The following SYTL2 variants were observed in gnomAD, a reference collection of about 807,000 sequenced individuals.
The protein encoded by SYTL2 is synaptotagmin-like protein 2.
SYTL2 carries 165 observed loss-of-function variants against 198.7 expected under a neutral mutation model. That is an observed-to-expected ratio of 0.83 (90% CI 0.73 to 0.94). The LOEUF (loss-of-function observed/expected upper bound fraction) is 0.94. Among genes scored for constraint, SYTL2 ranks in the 40% least tolerant of loss-of-function variants. The pLI, the probability that SYTL2 is intolerant of heterozygous loss-of-function variation, is 0.00. For missense variants in SYTL2, 2,835 were observed against 2,582.8 expected, an observed-to-expected ratio of 1.10 and a Z score of -2.12; for synonymous variants, 966 against 917.7, an observed-to-expected ratio of 1.05 and a Z score of -0.95.
At chr11:85,751,414 C>T (rs2091503396) in intron 2 of SYTL2, among the ~76,000 whole-genome samples, 2 of 152,146 alleles carry the variant, frequency 1.3e-5, no homozygotes, top group Non-Finnish European at 2.9e-5. Flanking sequence ...ATTACATCAA[C>T]AAAATGAGCA....
At chr11:85,822,392 C>A in the SYTL2 span, among the ~76,000 whole-genome samples, 1 of 152,250 alleles carries the variant, frequency 6.6e-6, no homozygotes, top group Admixed American at 6.5e-5. Context: ...TTGCTCTACA[C>A]TTTACTTATT....
At chr11:85,799,340 A>G (rs2092850592) in intron 1 of SYTL2, among the ~76,000 whole-genome samples, 1 of 152,192 alleles carries the variant, frequency 6.6e-6, no homozygotes, top group Non-Finnish European at 1.5e-5. Flanking sequence ...TGATGGCCAT[A>G]AAAGAGGTAT....
At chr11:85,851,989 T>C in the SYTL2 span, among the ~76,000 whole-genome samples, 2 of 152,160 alleles carry the variant, frequency 1.3e-5, no homozygotes, top group African/African-American at 4.8e-5. Flanking sequence ...ACAATACTGA[T>C]AGACTAAAGG....
intron 1 of SYTL2, among the ~76,000 whole-genome samples, chr11:85,759,315 T>G (rs1216662825): frequency 6.6e-6 from 1 of 151,704 alleles, no homozygotes; most frequent in East Asian, 1.9e-4. Flanking sequence ...AGTATGTACA[T>G]TAGTGAATAA....
At chr11:85,712,599 CT>C (rs1458723058) in intron 12 of SYTL2, among the ~76,000 whole-genome samples, 1 of 152,112 alleles carries the variant, frequency 6.6e-6, no homozygotes, top group Non-Finnish European at 1.5e-5. Context: ...GATTTGAACT[CT>C]CTTCTGTGTG....
chr11:85,774,005 A>C (rs2092407822), intron 1 of SYTL2, among the ~76,000 whole-genome samples: 1 of 110,264 alleles, frequency 9.1e-6, no homozygotes, highest in South Asian at 3.6e-4. Context: ...AAAAGGAATA[A>C]ATTATACACT....
At chr11:85,843,147 G>C in the SYTL2 span, among the ~76,000 whole-genome samples, 3 of 152,166 alleles carry the variant, frequency 2.0e-5, no homozygotes, top group African/African-American at 7.2e-5. Flanking sequence ...GCCGAGGCGG[G>C]CAGATCACTC....
At chr11:85,756,147 A>C (rs2091853696) in intron 2 of SYTL2, among the ~76,000 whole-genome samples, 1 of 152,186 alleles carries the variant, frequency 6.6e-6, no homozygotes, top group African/African-American at 2.4e-5. Context: ...CATTCATAAA[A>C]GGGCTTTATA....
At chr11:85,784,795 T>C (rs78008277) in intron 1 of SYTL2, among the ~76,000 whole-genome samples, 3,177 of 152,112 alleles carry the variant, frequency 0.021, 63 homozygotes, top group Admixed American at 0.037. Flanking sequence ...ATACAAAAAA[T>C]ACATCATCTT....
intron 16 of SYTL2, 45 bp downstream of exon 16, chr11:85,704,813 C>T: frequency 6.4e-7 from 1 of 1,552,828 alleles, no homozygotes; most frequent in Admixed American, 1.7e-5. Context: ...ACACTAGGTA[C>T]CACATCAACC....
At chr11:85,847,214 T>G in the SYTL2 span, among the ~76,000 whole-genome samples, 23,938 of 152,056 alleles carry the variant, frequency 0.16, 2,069 homozygotes, top group Middle Eastern at 0.2. Context: ...CCCCTTGCAG[T>G]CAATCCCACA....
intron 16 of SYTL2, among the ~76,000 whole-genome samples, 200 bp downstream of exon 16, chr11:85,704,657 TC>T (rs999781060): frequency 1.3e-5 from 2 of 152,204 alleles, no homozygotes; most frequent in African/African-American, 2.4e-5. Context: ...TAAAAGACCT[TC>T]CTGAAGTCTC....
intron 4 of SYTL2, among the ~76,000 whole-genome samples, chr11:85,740,534 G>C (rs755038828): frequency 6.6e-6 from 1 of 152,142 alleles, no homozygotes; most frequent in Non-Finnish European, 1.5e-5. Context: ...TTTTTCCTAA[G>C]AGAATACAGA....
chr11:85,838,494 A>ATGG, the SYTL2 span, among the ~76,000 whole-genome samples: 1 of 152,210 alleles, frequency 6.6e-6, no homozygotes, highest in African/African-American at 2.4e-5. Context: ...TACAGGAATC[A>ATGG]TGGTGCCAGC....
intron 4 of SYTL2, among the ~76,000 whole-genome samples, chr11:85,741,180 G>C (rs1215842387): frequency 6.6e-6 from 1 of 151,454 alleles, no homozygotes; most frequent in Non-Finnish European, 1.5e-5. Context: ...TGACTTCCTT[G>C]GGGGCTCAAG....
chr11:85,788,585 T>C lies in SYTL2; in HGVS notation c.-390+22369A>G, dbSNP rs968938857. On this transcript the variant is annotated intron_variant, in intron 1 of 19. Coordinates refer to ENST00000359152, the MANE Select transcript of SYTL2 (RefSeq NM_206927.4). ...ACCTTTAATAATGAGTGTGGAAATG[T>C]ACCTTCTGGGTTCCAGAGACCCTTA... Among the ~76,000 whole-genome samples the C allele has an allele frequency of 2.0e-5, 3 of 152,182 alleles. No homozygotes were observed. In the East Asian group the frequency reaches 5.8e-4, roughly 29 times the overall value.
At chr11:85,779,411 TA>T (rs2092518723) in intron 1 of SYTL2, among the ~76,000 whole-genome samples, 1 of 152,194 alleles carries the variant, frequency 6.6e-6, no homozygotes. Context: ...TCCAACACTG[TA>T]AGGAAAGTGT....
At chr11:85,757,582 G>C in intron 2 of SYTL2, 43 bp downstream of exon 2, 1 of 1,604,442 alleles carries the variant, frequency 6.2e-7, no homozygotes, top group South Asian at 1.1e-5. Context: ...CGTACAGACT[G>C]CCTCTTCCTT....
chr11:85,761,860 C>T (rs895018614), intron 1 of SYTL2, among the ~76,000 whole-genome samples: 2 of 152,164 alleles, frequency 1.3e-5, no homozygotes, highest in Admixed American at 6.5e-5. Flanking sequence ...AGCTTTGCCA[C>T]GTTGTACAGG....
Sources: gnomAD v4.1 joint callset for allele counts (sites outside exome capture counted in the v4.1 genomes callset) on GRCh38, gnomAD v4.1.1 for gene constraint, MANE v1.5 for transcripts, NCBI Gene and HGNC (gene_info 2026-07-23, HGNC 2026-07-21) for gene names.